TNC: variants seen among roughly 807,000 people sequenced by gnomAD.
The protein encoded by TNC is tenascin C.
In TNC, 109 loss-of-function variants were observed where a neutral mutation model predicts 202.4. That is an observed-to-expected ratio of 0.54 (90% confidence interval 0.46 to 0.63). The LOEUF is 0.63. Among genes scored for constraint, TNC ranks in the 30% least tolerant of loss-of-function variants. The pLI, the probability that TNC is intolerant of heterozygous loss-of-function variation, is 0.00. For missense variants in TNC, 2,756 were observed against 2,833.3 expected (o/e 0.97, Z 0.62); for synonymous variants, 1,007 against 1,089.7 (o/e 0.92, Z 1.50).
At chr9:115,101,710 G>A (rs1031648835) in intron 1 of TNC, among the ~76,000 whole-genome samples, 4 of 152,158 alleles carry the variant, frequency 2.6e-5, no homozygotes, top group Non-Finnish European at 5.9e-5. Flanking sequence ...GGCCAAGTAA[G>A]GAGCTATTTT....
chr9:115,074,086 A>T (rs1187589547), intron 9 of TNC, among the ~76,000 whole-genome samples: 1 of 152,224 alleles, frequency 6.6e-6, no homozygotes, highest in Non-Finnish European at 1.5e-5. Flanking sequence ...GAAGATTGAA[A>T]ATAATGTCAT....
chr9:115,089,478 A>ATCTC lies in TNC; in HGVS notation c.457+1080_457+1083dup, dbSNP rs34987920. On this transcript the variant is annotated intron_variant, in intron 2 of 27. Transcript: ENST00000350763. Reference sequence around the variant, plus strand: ...ACACACAGGCACATGCAAAATCCCTATCTCTCTCTCTCTCTCTCTCTCTCT... The same window carrying ATCTC: ...ACACACAGGCACATGCAAAATCCCTATCTCTCTCTCTCTCTCTCTCTCTCTCTCT... 2.2e-3 allele frequency among the ~76,000 whole-genome samples: 331 copies of ATCTC among 148,628 alleles called. 1 individual carries two copies. Among genetic ancestry groups the ATCTC allele is most frequent in the Non-Finnish European group, 3.9e-3 (264 of 66,916 alleles).
chr9:115,066,684 C>A (rs562886772), intron 10 of TNC, among the ~76,000 whole-genome samples: 1 of 152,282 alleles, frequency 6.6e-6, no homozygotes, highest in South Asian at 2.1e-4. Context: ...AGTCAGCAAG[C>A]TAACAACAGT....
chr9:115,078,435 A>C (rs1230811199), intron 6 of TNC, among the ~76,000 whole-genome samples: 5 of 151,976 alleles, frequency 3.3e-5, no homozygotes, highest in Non-Finnish European at 5.9e-5. Flanking sequence ...TTCAAATCTT[A>C]AGAGAGATAA....
At chr9:115,024,228 G>C in intron 26 of TNC, 92 bp from the exon 27 acceptor site, 2 of 1,394,886 alleles carry the variant, frequency 1.4e-6, no homozygotes, top group Non-Finnish European at 2.0e-6. Flanking sequence ...ACAATTGAAA[G>C]GTTCTGGGTG....
chr9:115,070,059 G>A (rs1246888270), intron 10 of TNC, among the ~76,000 whole-genome samples: 1 of 151,916 alleles, frequency 6.6e-6, no homozygotes, highest in Non-Finnish European at 1.5e-5. Context: ...TGCCTTCAGG[G>A]CACTGGGATT....
At chr9:115,056,442 C>T (rs1832129524) in intron 15 of TNC, among the ~76,000 whole-genome samples, 1 of 152,208 alleles carries the variant, frequency 6.6e-6, no homozygotes, top group African/African-American at 2.4e-5. Flanking sequence ...ATCTCACAGA[C>T]ACCACAAATT....
chr9:115,115,808 A>G (rs1837419003), intron 1 of TNC, among the ~76,000 whole-genome samples: 1 of 152,214 alleles, frequency 6.6e-6, no homozygotes, highest in Non-Finnish European at 1.5e-5. Context: ...CCCAGAGGCT[A>G]AGAGCAAAGG....
Position 115,067,543 on chromosome 9 carries a change from C to CG in TNC, c.3215-2625dup, listed in dbSNP as rs59421977. 6.7e-3 allele frequency among the ~76,000 whole-genome samples: 1,013 copies of CG among 151,928 alleles called. 10 individuals carry two copies. The highest frequency in any genetic ancestry group is 0.023 in the African/African-American group (941 of 41,416). ...AAGAGATATTGGGAAAGTTACCTTA[C>CG]GGGGGGTGGGGGAATGAGATTGTGG... On this transcript the variant is annotated intron_variant, in intron 10 of 27. Coordinates refer to ENST00000350763, the MANE Select transcript of TNC (RefSeq NM_002160.4).
intron 17 of TNC, among the ~76,000 whole-genome samples, chr9:115,045,291 T>C (rs1454709381): frequency 6.6e-6 from 1 of 152,184 alleles, no homozygotes; most frequent in Non-Finnish European, 1.5e-5. Context: ...TTGTTGGAGG[T>C]TTTTCCTTTT....
At chr9:115,117,957 A>G (rs1367009584) in intron 1 of TNC, 25 bp downstream of exon 1, 1 of 152,178 alleles carries the variant, frequency 6.6e-6, no homozygotes, top group African/African-American at 2.4e-5. Context: ...AAGGATCTCT[A>G]GTGATGAGGG....
intron 13 of TNC, among the ~76,000 whole-genome samples, chr9:115,061,735 C>T (rs1271004037): frequency 6.6e-6 from 1 of 152,172 alleles, no homozygotes; most frequent in Admixed American, 6.5e-5. Context: ...GCACAGAAAC[C>T]CTATCACCAA....
Position 115,084,241 on chromosome 9 carries a change from T to A in TNC, c.2099A>T (p.Lys700Met), listed in dbSNP as rs773512803. 2 of 1,614,156 alleles carry A rather than the reference T, an allele frequency of 1.2e-6. No individual in the cohort carries two copies. The highest frequency in any genetic ancestry group is 1.3e-5 in the African/African-American group (1 of 75,042). Residue 700 changes from lysine to methionine, a missense_variant, in exon 4 of 28, where the codon AAG becomes ATG. Lys to Met is a moderately conservative substitution (Grantham distance 95). Around this residue, in one of 2 missense-constraint regions of TNC, gnomAD observed 2,559 missense variants for 2,546.0 expected, o/e 1.01. Transcript: ENST00000350763. ...IRVFAILENK[K>M]SIPVSARVAT... ...CACCCTGGCGCTGACAGGAATGCTC[T>A]TCTTGTTCTCCAGGATGGCAAATAC...
In TNC at chr9:115,086,475, A is replaced by G. The variant is rs765082009; in HGVS notation, c.1256T>C (p.Val419Ala). ...CTCATCACACACACACTGCCCATTG[A>G]CACAGCGGCCATGGCCACTGCAGCC... ...PNGCSGHGRC[V>A]NGQCVCDEGY... The change falls in exon 3 of 28, where the codon GTC becomes GCC. Residue 419 changes from valine to alanine, a missense_variant. Physicochemically the swap from Val to Ala is moderately conservative, Grantham distance 64. This residue lies in a region of TNC where 2,559 missense variants were observed against 2,546.0 expected (regional missense o/e 1.01). Transcript: ENST00000350763. The G allele has an allele frequency of 3.7e-6, 6 of 1,613,528 alleles. No individual in the cohort carries two copies. The highest frequency in any genetic ancestry group is 3.3e-5 in the Admixed American group (2 of 59,972).
chr9:115,103,932 G>A (rs1182660679), intron 1 of TNC, among the ~76,000 whole-genome samples: 4 of 152,078 alleles, frequency 2.6e-5, no homozygotes, highest in South Asian at 2.1e-4. Context: ...TTGTGGTTTA[G>A]TATACCTAAG....
At chr9:115,035,962 T>G in intron 21 of TNC, 136 bp downstream of exon 21, 1 of 1,037,240 alleles carries the variant, frequency 9.6e-7, no homozygotes, top group Non-Finnish European at 1.4e-6. Context: ...ACTGGTGAAT[T>G]TAAGTGATGC....
intron 22 of TNC, among the ~76,000 whole-genome samples, chr9:115,034,954 A>G (rs188898559): frequency 1.3e-5 from 2 of 152,334 alleles, no homozygotes; most frequent in East Asian, 1.9e-4. Context: ...AGCTCCTAAA[A>G]TGTCCTCAAG....
At chr9:115,066,015 A>T (rs902885779) in intron 10 of TNC, among the ~76,000 whole-genome samples, 3 of 151,878 alleles carry the variant, frequency 2.0e-5, no homozygotes, top group Non-Finnish European at 4.4e-5. Context: ...CGTTCAAATC[A>T]TTTACATAGA....
intron 10 of TNC, among the ~76,000 whole-genome samples, chr9:115,070,676 C>A (rs758793474): frequency 1.3e-5 from 2 of 152,212 alleles, no homozygotes; most frequent in African/African-American, 4.8e-5. Context: ...TCTCTGTAAG[C>A]CCCACAGACA....
Sources: allele counts gnomAD v4.1 joint callset (sites outside exome capture counted in the v4.1 genomes callset), GRCh38; gene constraint gnomAD v4.1.1; regional missense constraint gnomAD v4.1.1; transcripts MANE v1.5; gene names NCBI Gene and HGNC (gene_info 2026-07-23, HGNC 2026-07-21).